Variants in TNFRSF10B observed in about 807,000 individuals in gnomAD.
TNFRSF10B encodes the protein TNF receptor superfamily member 10b.
Under a neutral mutation model 41.4 loss-of-function variants are expected in TNFRSF10B, and 35 were observed. The observed-to-expected ratio is 0.85, with a 90% CI of 0.65 to 1.12. The LOEUF is 1.12. Ranked by LOEUF, TNFRSF10B falls within the 50% of genes most tolerant of loss-of-function variation. TNFRSF10B has a pLI of 0.00. For missense variants in TNFRSF10B, 584 were observed against 552.7 expected (o/e 1.06, Z -0.57); for synonymous variants, 230 against 215.5 (o/e 1.07, Z -0.59).
At chr8:23,063,069 C>A (rs900459587) in intron 1 of TNFRSF10B, among the ~76,000 whole-genome samples, 8 of 152,184 alleles carry the variant, frequency 5.3e-5, no homozygotes, top group Non-Finnish European at 1.0e-4. Context: ...ATGTTCCCAG[C>A]CAGGCAAGGT....
chr8:23,049,242 T>G (rs1290678608), intron 1 of TNFRSF10B, among the ~76,000 whole-genome samples: 2 of 152,202 alleles, frequency 1.3e-5, no homozygotes, highest in African/African-American at 4.8e-5. Context: ...AAAAAGCCAG[T>G]GCCCTTATAT....
Position 23,020,368 on chromosome 8 carries a change from C to T in TNFRSF10B, c.*2303G>A, listed in dbSNP as rs1018786893. ...CCTAATGTAACTAAACAACAAAACC[C>T]CCAATTATTTCATGTCGTCAGGAAG... On this transcript the variant is annotated 3_prime_UTR_variant, in exon 9 of 9. Coordinates refer to ENST00000276431, the MANE Select transcript of TNFRSF10B (RefSeq NM_003842.5). The T allele has an allele frequency of 6.6e-6, 3 of 453,896 alleles. No individual in the cohort carries two copies. Among genetic ancestry groups the T allele is most frequent in the East Asian group, 6.9e-5 (1 of 14,396 alleles). The allele number at this position is 453,896 out of a possible 1,614,324, so 28.1% of individuals were successfully genotyped here.
chr8:23,042,349 G>A (rs992021306), intron 2 of TNFRSF10B, among the ~76,000 whole-genome samples: 1 of 152,194 alleles, frequency 6.6e-6, no homozygotes, highest in African/African-American at 2.4e-5. Context: ...GCCACTGCTT[G>A]CCACACTTGC....
chr8:23,038,013 A>G (rs1812071288), intron 2 of TNFRSF10B, among the ~76,000 whole-genome samples: 2 of 152,218 alleles, frequency 1.3e-5, no homozygotes, highest in South Asian at 4.1e-4. Flanking sequence ...GAAGACTGCC[A>G]CTTGGCCACT....
intron 1 of TNFRSF10B, among the ~76,000 whole-genome samples, chr8:23,052,033 G>T (rs113618772): frequency 1.3e-5 from 2 of 151,932 alleles, no homozygotes; most frequent in African/African-American, 4.8e-5. Flanking sequence ...TCACTGTCTC[G>T]GTCATAATTT....
rs1811547755 is a variant in TNFRSF10B at position 23,022,149 on chromosome 8, A to G, written c.*522T>C. The stretch of plus-strand genomic sequence containing the variant: ...GTGGTGCACACCTGTGGTCCCAGCT[A>G]TTTGGATGGCTGAGGTGGGAGAATC... On this transcript the variant is annotated 3_prime_UTR_variant, in exon 9 of 9. Transcript: ENST00000276431. 2.2e-6 allele frequency: 1 copy of G among 447,086 alleles called. No individual in the cohort carries two copies. Among genetic ancestry groups the G allele is most frequent in the Non-Finnish European group, 4.5e-6 (1 of 222,744 alleles). The allele number at this position is 447,086 out of a possible 1,614,324, so 27.7% of individuals were successfully genotyped here. A position where few individuals can be genotyped will look rare whatever the true frequency, so the allele number is the denominator to read the frequency against.
intron 1 of TNFRSF10B, among the ~76,000 whole-genome samples, chr8:23,058,684 C>T (rs576080210): frequency 6.0e-4 from 91 of 152,126 alleles, no homozygotes; most frequent in African/African-American, 2.0e-3. Flanking sequence ...GGGGTTTCTC[C>T]GTGTTGGTTA....
At chr8:23,028,104 T>G in intron 5 of TNFRSF10B, 1 of 632,644 alleles carries the variant, frequency 1.6e-6, no homozygotes, top group Admixed American at 3.0e-5. Flanking sequence ...CCTCCTGGAC[T>G]TGGCTGGGAG....
intron 7 of TNFRSF10B, 75 bp from the exon 8 acceptor site, chr8:23,024,335 C>A: frequency 6.5e-7 from 1 of 1,545,524 alleles, no homozygotes; most frequent in Non-Finnish European, 8.9e-7. Flanking sequence ...GACCACCAGC[C>A]AGCTCTGAGA....
At chr8:23,048,014 A>G (rs962702426) in intron 1 of TNFRSF10B, among the ~76,000 whole-genome samples, 1 of 152,256 alleles carries the variant, frequency 6.6e-6, no homozygotes, top group African/African-American at 2.4e-5. Context: ...ACAGAATACT[A>G]TTCAGCCTTT....
At chr8:23,054,386 A>G (rs2128819109) in intron 1 of TNFRSF10B, among the ~76,000 whole-genome samples, 1 of 152,338 alleles carries the variant, frequency 6.6e-6, no homozygotes, top group South Asian at 2.1e-4. Context: ...ATTTAAGTAC[A>G]GTATACTCCT....
chr8:23,054,457 CTG>C (rs1170271309), intron 1 of TNFRSF10B, among the ~76,000 whole-genome samples: 6 of 152,296 alleles, frequency 3.9e-5, no homozygotes, highest in East Asian at 3.9e-4. Context: ...AATTTCGAAA[CTG>C]TGAGTATTCT....
chr8:23,047,018 G>C (rs1237669933), intron 1 of TNFRSF10B, among the ~76,000 whole-genome samples: 1 of 151,986 alleles, frequency 6.6e-6, no homozygotes. Context: ...GAAAACACAG[G>C]GGCTAAAACT....
At chr8:23,067,596 A>T (rs1226924924) in intron 1 of TNFRSF10B, among the ~76,000 whole-genome samples, 1 of 152,130 alleles carries the variant, frequency 6.6e-6, no homozygotes, top group Non-Finnish European at 1.5e-5. Context: ...CCACAGCAGG[A>T]GGGGGAGGCA....
At chr8:23,037,618 A>G (rs902277907) in intron 2 of TNFRSF10B, among the ~76,000 whole-genome samples, 1 of 152,200 alleles carries the variant, frequency 6.6e-6, no homozygotes, top group Non-Finnish European at 1.5e-5. Flanking sequence ...AGCGCCCACT[A>G]TAATGGGCCT....
intron 1 of TNFRSF10B, among the ~76,000 whole-genome samples, chr8:23,065,709 C>T (rs1195396489): frequency 6.6e-6 from 1 of 152,010 alleles, no homozygotes; most frequent in South Asian, 2.1e-4. Context: ...CAAACTGATC[C>T]TCAGTTTTCT....
chr8:23,048,571 T>G (rs774245824), intron 1 of TNFRSF10B, among the ~76,000 whole-genome samples: 2 of 152,154 alleles, frequency 1.3e-5, no homozygotes, highest in Non-Finnish European at 2.9e-5. Flanking sequence ...GAATAAGATT[T>G]TTGAGATCTG....
rs749002358 is a variant in TNFRSF10B at position 23,027,276 on chromosome 8, G to A, written c.793C>T (p.Pro265Ser). The change falls in exon 7 of 9, where the codon CCT becomes TCT. Residue 265 changes from proline (P) to serine (S), a missense_variant. Coordinates refer to ENST00000276431, the MANE Select transcript of TNFRSF10B (RefSeq NM_003842.5). The part of the protein sequence containing the change: ...PERVDRSSQR[P>S]GAEDNVLNEI... ...TTGAGGACATTGTCCTCAGCCCCAG[G>A]TCGTTGTGAGCTCTGGAAAAAGACA... The A allele has an allele frequency of 1.3e-5, 21 of 1,613,996 alleles. No individual in the cohort carries two copies. The highest frequency in any genetic ancestry group is 6.7e-5 in the Admixed American group (4 of 59,998).
At chr8:23,051,595 A>C (rs1266503641) in intron 1 of TNFRSF10B, among the ~76,000 whole-genome samples, 1 of 151,524 alleles carries the variant, frequency 6.6e-6, no homozygotes, top group East Asian at 1.9e-4. Flanking sequence ...CCCAGGCTGG[A>C]ATGCAGTGGC....
Sources: allele counts gnomAD v4.1 joint callset (sites outside exome capture counted in the v4.1 genomes callset), GRCh38; gene constraint gnomAD v4.1.1; transcripts MANE v1.5; gene names NCBI Gene and HGNC (gene_info 2026-07-23, HGNC 2026-07-21).